PCSK5: variants seen among roughly 807,000 people sequenced by gnomAD.
The protein encoded by PCSK5 is proprotein convertase subtilisin/kexin type 5.
In PCSK5, 129 loss-of-function variants were observed where a neutral mutation model predicts 233.2. The observed-to-expected ratio is 0.55, with a 90% CI of 0.48 to 0.64. The LOEUF is 0.64. Ranked by LOEUF, PCSK5 falls within the 30% of genes least tolerant of loss-of-function variation. The pLI is 0.00. For missense variants in PCSK5, 2,076 were observed against 2,430.1 expected (o/e 0.85, Z 3.06); for synonymous variants, 825 against 879.2 (o/e 0.94, Z 1.09).
At chr9:76,269,775 A>G (rs917212010) in intron 24 of PCSK5, among the ~76,000 whole-genome samples, 3 of 152,226 alleles carry the variant, frequency 2.0e-5, no homozygotes, top group African/African-American at 7.2e-5. Flanking sequence ...CAAAACTCTC[A>G]GATCAAGAGA....
At chr9:76,139,517 G>C (rs1181174559) in intron 10 of PCSK5, among the ~76,000 whole-genome samples, 1 of 152,028 alleles carries the variant, frequency 6.6e-6, no homozygotes, top group Non-Finnish European at 1.5e-5. Flanking sequence ...AGAAAAATTA[G>C]TCCCTTGACT....
chr9:75,898,539 C>T (rs1336340077), intron 1 of PCSK5, among the ~76,000 whole-genome samples: 3 of 152,054 alleles, frequency 2.0e-5, no homozygotes, highest in Non-Finnish European at 4.4e-5. Context: ...GAGCTTGGGT[C>T]ACATGTCCTC....
At chr9:76,282,678 A>G (rs1349978392) in intron 24 of PCSK5, among the ~76,000 whole-genome samples, 1 of 152,106 alleles carries the variant, frequency 6.6e-6, no homozygotes, top group Non-Finnish European at 1.5e-5. Flanking sequence ...GATTTATTAC[A>G]TGGGTATGCT....
At chr9:76,217,230 T>C (rs1001040139) in intron 20 of PCSK5, among the ~76,000 whole-genome samples, 6 of 152,172 alleles carry the variant, frequency 3.9e-5, no homozygotes, top group East Asian at 1.9e-4. Context: ...TTTGGAGCAA[T>C]TGAACTCATT....
chr9:76,160,082 A>G (rs1822787484), intron 12 of PCSK5, among the ~76,000 whole-genome samples: 1 of 151,934 alleles, frequency 6.6e-6, no homozygotes, highest in African/African-American at 2.4e-5. Context: ...CGGCCTCCCA[A>G]AGTGCTGGGA....
intron 7 of PCSK5, among the ~76,000 whole-genome samples, chr9:76,077,608 C>T (rs946898398): frequency 3.9e-5 from 6 of 152,088 alleles, no homozygotes; most frequent in Non-Finnish European, 5.9e-5. Context: ...TCATTATGTC[C>T]ATGAGTACCT....
chr9:76,056,135 G>GA (rs1351904532), intron 5 of PCSK5, among the ~76,000 whole-genome samples: 1 of 152,202 alleles, frequency 6.6e-6, no homozygotes, highest in Non-Finnish European at 1.5e-5. Context: ...GTGAACACCT[G>GA]AAGATGTTTG....
intron 5 of PCSK5, among the ~76,000 whole-genome samples, chr9:76,059,468 C>T (rs1211346116): frequency 7.2e-5 from 11 of 152,146 alleles, no homozygotes. Context: ...CCTAGGTTTT[C>T]TTCTAAGGTT....
At chr9:75,995,597 G>C (rs1472044311) in intron 3 of PCSK5, among the ~76,000 whole-genome samples, 2 of 152,074 alleles carry the variant, frequency 1.3e-5, no homozygotes, top group South Asian at 2.1e-4. Context: ...GTTGCGATTT[G>C]GTCCTCATAT....
At chr9:76,231,122 A>G (rs917118087) in intron 21 of PCSK5, among the ~76,000 whole-genome samples, 1 of 152,062 alleles carries the variant, frequency 6.6e-6, no homozygotes, top group Non-Finnish European at 1.5e-5. Context: ...CATGACTGGG[A>G]AGGTCTCAGG....
intron 2 of PCSK5, among the ~76,000 whole-genome samples, chr9:75,965,996 T>C (rs549139085): frequency 1.3e-4 from 20 of 152,206 alleles, no homozygotes; most frequent in African/African-American, 4.8e-4. Context: ...TATAGACAGA[T>C]ATACCAGAGG....
At chr9:75,943,755 C>G (rs1824430343) in intron 2 of PCSK5, among the ~76,000 whole-genome samples, 1 of 152,164 alleles carries the variant, frequency 6.6e-6, no homozygotes, top group Non-Finnish European at 1.5e-5. Flanking sequence ...ATATAATGAA[C>G]TGCGCATGTA....
intron 2 of PCSK5, among the ~76,000 whole-genome samples, chr9:75,952,800 C>T (rs1194653115): frequency 6.6e-6 from 1 of 152,188 alleles, no homozygotes; most frequent in Non-Finnish European, 1.5e-5. Flanking sequence ...TGTCAAAACT[C>T]GTTCATTTCT....
chr9:76,165,634 C>T (rs1296863194), intron 12 of PCSK5, among the ~76,000 whole-genome samples: 1 of 152,182 alleles, frequency 6.6e-6, no homozygotes, highest in East Asian at 1.9e-4. Flanking sequence ...TTTGTGCCAT[C>T]GCATGCATAT....
At chr9:76,217,613 A>G (rs1825583245) in intron 20 of PCSK5, among the ~76,000 whole-genome samples, 1 of 152,212 alleles carries the variant, frequency 6.6e-6, no homozygotes, top group Non-Finnish European at 1.5e-5. Flanking sequence ...TTCCAGATAT[A>G]GGCACTTCAG....
intron 35 of PCSK5, among the ~76,000 whole-genome samples, chr9:76,344,986 C>T (rs1745140777): frequency 6.6e-6 from 1 of 151,870 alleles, no homozygotes; most frequent in Non-Finnish European, 1.5e-5. Flanking sequence ...TTTTTTTCAA[C>T]TTTTATTTTA....
chr9:76,202,568 T>A (rs533873068), intron 20 of PCSK5, among the ~76,000 whole-genome samples: 41 of 152,304 alleles, frequency 2.7e-4, no homozygotes, highest in African/African-American at 8.4e-4. Flanking sequence ...CTTCCCCAAG[T>A]ATTTTCCTGC....
intron 7 of PCSK5, among the ~76,000 whole-genome samples, chr9:76,072,264 C>A (rs933532124): frequency 2.0e-5 from 3 of 152,148 alleles, no homozygotes; most frequent in African/African-American, 7.2e-5. Context: ...CATAGTGATG[C>A]CCCTTGGGGC....
intron 5 of PCSK5, among the ~76,000 whole-genome samples, chr9:76,035,406 C>A (rs1399969264): frequency 2.6e-5 from 4 of 152,118 alleles, no homozygotes; most frequent in Non-Finnish European, 5.9e-5. Context: ...TTCCCAGGCT[C>A]GTAATCATGA....
Sources: allele counts gnomAD v4.1 joint callset (sites outside exome capture counted in the v4.1 genomes callset), GRCh38; gene constraint gnomAD v4.1.1; transcripts MANE v1.5; gene names NCBI Gene and HGNC (gene_info 2026-07-23, HGNC 2026-07-21).